ATG7: variants seen among roughly 807,000 people sequenced by gnomAD.
The protein encoded by ATG7 is ubiquitin-like modifier-activating enzyme ATG7.
ATG7 carries 70 observed loss-of-function variants against 82.4 expected under a neutral mutation model. The observed-to-expected ratio is 0.85, with a 90% confidence interval of 0.70 to 1.04. The LOEUF (loss-of-function observed/expected upper bound fraction) is 1.04, where lower values mean the gene tolerates loss of function less well. ATG7 is among the 50% of genes least tolerant of loss of function. The pLI is 0.00. For synonymous variants in ATG7, 287 were observed against 313.0 expected (o/e 0.92, Z 0.88); for missense variants, 792 against 864.3 (o/e 0.92, Z 1.05).
intron 9 of ATG7, among the ~76,000 whole-genome samples, chr3:11,321,539 A>T (rs991455372): frequency 6.6e-6 from 1 of 152,304 alleles, no homozygotes; most frequent in Admixed American, 6.5e-5. Flanking sequence ...AGACTAGGGA[A>T]TGGAAGCCTC....
chr3:11,560,657 G>A (rs17034661), downstream of ATG7, among the ~76,000 whole-genome samples: 24,180 of 152,152 alleles, frequency 0.16, 2,374 homozygotes, highest in East Asian at 0.32. Context: ...ACCTGTGCTT[G>A]GGTCTAACAA....
intron 20 of ATG7, among the ~76,000 whole-genome samples, chr3:11,472,333 C>T (rs1039645632): frequency 1.3e-5 from 2 of 152,142 alleles, no homozygotes; most frequent in Non-Finnish European, 2.9e-5. Context: ...GGCTTACGTC[C>T]CCAAGCTTAG....
intron 1 of ATG7, among the ~76,000 whole-genome samples, chr3:11,278,262 A>G (rs551005827): frequency 1.3e-5 from 2 of 152,352 alleles, no homozygotes; most frequent in African/African-American, 4.8e-5. Context: ...AGAAATTATA[A>G]AAGTATTAAT....
chr3:11,387,380 A>G (rs973242120), intron 19 of ATG7, among the ~76,000 whole-genome samples: 1 of 152,144 alleles, frequency 6.6e-6, no homozygotes, highest in African/African-American at 2.4e-5. Flanking sequence ...ACTTGTGATG[A>G]TTACTCCTTT....
At position 11,324,816 on chromosome 3, in the gene ATG7, C is replaced by T. The variant is rs116512463; in HGVS notation, c.679-6524C>T. ...TTTGCACATGATAAAGCCTAGACCCCGAGAATATTTGATAGACTAGAACTT... is the reference window on the plus strand; with the variant it reads ...TTTGCACATGATAAAGCCTAGACCCTGAGAATATTTGATAGACTAGAACTT... On this transcript the variant is annotated intron_variant, in intron 9 of 20. Coordinates refer to ENST00000693202, the MANE Select transcript of ATG7 (RefSeq NM_001349232.2). Among the ~76,000 whole-genome samples the T allele has an allele frequency of 3.1e-3, 475 of 152,102 alleles. 1 individual carries two copies. The highest frequency in any genetic ancestry group is 0.011 in the African/African-American group (453 of 41,470).
At chr3:11,420,188 C>T (rs529223583) in intron 19 of ATG7, among the ~76,000 whole-genome samples, 3 of 152,258 alleles carry the variant, frequency 2.0e-5, no homozygotes, top group African/African-American at 7.2e-5. Flanking sequence ...CCACTTATAA[C>T]ACAGATTAAC....
intron 20 of ATG7, among the ~76,000 whole-genome samples, chr3:11,510,881 C>T (rs375263150): frequency 4.6e-5 from 7 of 152,112 alleles, no homozygotes; most frequent in Non-Finnish European, 8.8e-5. Context: ...GCTTTGTGTC[C>T]GGAATTGGTG....
chr3:11,563,049 C>T, the ATG7 span, among the ~76,000 whole-genome samples: 4 of 152,186 alleles, frequency 2.6e-5, no homozygotes, highest in Admixed American at 2.6e-4. Context: ...CAACTGTGAC[C>T]GAAAACCAAC....
At chr3:11,320,290 C>T (rs1186307652) in intron 9 of ATG7, among the ~76,000 whole-genome samples, 1 of 146,304 alleles carries the variant, frequency 6.8e-6, no homozygotes, top group South Asian at 2.2e-4. Flanking sequence ...ATCCCTTCTT[C>T]TTTTTTTTTT....
intron 20 of ATG7, among the ~76,000 whole-genome samples, chr3:11,494,750 G>A (rs1360726289): frequency 6.6e-6 from 1 of 152,174 alleles, no homozygotes; most frequent in Non-Finnish European, 1.5e-5. Context: ...TTTGTCAGAG[G>A]TGTTGAGGAG....
intron 9 of ATG7, among the ~76,000 whole-genome samples, chr3:11,321,400 C>T (rs1413486395): frequency 3.8e-5 from 4 of 104,020 alleles, no homozygotes; most frequent in African/African-American, 4.2e-5. Context: ...ACAGCTGGGA[C>T]TGCCATGGTC....
At chr3:11,571,738 A>G in the ATG7 span, among the ~76,000 whole-genome samples, 11 of 151,974 alleles carry the variant, frequency 7.2e-5, no homozygotes, top group African/African-American at 2.7e-4. Context: ...TCAGAAATCA[A>G]CTCCATGGAC....
chr3:11,437,466 A>C (rs1260042432), intron 20 of ATG7, among the ~76,000 whole-genome samples: 1 of 152,194 alleles, frequency 6.6e-6, no homozygotes, highest in Non-Finnish European at 1.5e-5. Context: ...TTAGGGGAAG[A>C]TGAGAGCACG....
intron 20 of ATG7, among the ~76,000 whole-genome samples, chr3:11,518,581 C>A (rs1469260433): frequency 6.6e-6 from 1 of 151,154 alleles, no homozygotes; most frequent in African/African-American, 2.4e-5. Flanking sequence ...TGAGACAAAA[C>A]AATCTTAGTG....
chr3:11,504,395 T>C lies in ATG7; in HGVS notation c.2080-50416T>C, dbSNP rs188868177. On this transcript the variant is annotated intron_variant, in intron 20 of 20. Coordinates refer to ENST00000693202, the MANE Select transcript of ATG7 (RefSeq NM_001349232.2). Reference sequence around the variant, plus strand: ...TCTCCTAGTCACCCTATGCAAACCATTGGAGGATGAACTCCAGAAAAGTAA... The same window carrying C: ...TCTCCTAGTCACCCTATGCAAACCACTGGAGGATGAACTCCAGAAAAGTAA... 3.2e-3 allele frequency among the ~76,000 whole-genome samples: 487 copies of C among 152,286 alleles called. 3 individuals are homozygous for C. The highest frequency in any genetic ancestry group is 2.3e-3 in the South Asian group (11 of 4,822).
chr3:11,458,077 A>G (rs2085919800), intron 20 of ATG7, among the ~76,000 whole-genome samples: 1 of 152,152 alleles, frequency 6.6e-6, no homozygotes, highest in Non-Finnish European at 1.5e-5. Flanking sequence ...AAATACATTG[A>G]TTTTTATGGA....
At chr3:11,415,777 ATAAG>A (rs2081324649) in intron 19 of ATG7, among the ~76,000 whole-genome samples, 1 of 149,880 alleles carries the variant, frequency 6.7e-6, no homozygotes, top group Non-Finnish European at 1.5e-5. Context: ...TTTTTTTTAA[ATAAG>A]TAGAGGGATT....
At chr3:11,535,973 C>T (rs1239138180) in intron 20 of ATG7, among the ~76,000 whole-genome samples, 3 of 152,182 alleles carry the variant, frequency 2.0e-5, no homozygotes, top group African/African-American at 4.8e-5. Flanking sequence ...CCAAACCAGC[C>T]ATCAGGCCAT....
In ATG7 at chr3:11,421,962, A is replaced by G. The variant is rs577971466; in HGVS notation, c.1957-4842A>G. ...TTGAAAGGAACCTTTTTTTCTGAGC[A>G]GTAGGTCTCAACAGTGGGCTTAAGA... On this transcript the variant is annotated intron_variant, in intron 19 of 20. Coordinates refer to ENST00000693202, the MANE Select transcript of ATG7 (RefSeq NM_001349232.2). Among the ~76,000 whole-genome samples the G allele has an allele frequency of 4.6e-5, 7 of 152,344 alleles. No homozygotes were observed. The South Asian group carries it at 1.4e-3, about 32-fold the overall frequency.
Sources: gnomAD v4.1 joint callset for allele counts (sites outside exome capture counted in the v4.1 genomes callset) on GRCh38, gnomAD v4.1.1 for gene constraint, MANE v1.5 for transcripts, NCBI Gene and HGNC (gene_info 2026-07-23, HGNC 2026-07-21) for gene names.